LRRC49: variants seen among roughly 807,000 people sequenced by gnomAD.
The protein encoded by LRRC49 is leucine-rich repeat-containing protein 49.
A neutral mutation model predicts 83.3 loss-of-function variants in LRRC49; 50 were observed. The ratio of observed to expected loss-of-function variants is 0.60; its 90% confidence interval spans 0.48 to 0.76. The LOEUF (loss-of-function observed/expected upper bound fraction) is 0.76. Ranked by LOEUF, LRRC49 falls within the 30% of genes least tolerant of loss-of-function variation. The pLI, the probability that LRRC49 is intolerant of heterozygous loss-of-function variation, is 0.00. For synonymous variants in LRRC49, 286 were observed against 283.3 expected, an observed-to-expected ratio of 1.01 and a Z score of -0.10; for missense variants, 704 against 809.1, an observed-to-expected ratio of 0.87 and a Z score of 1.58.
rs2141321381 is a variant in LRRC49 at position 71,053,455 on chromosome 15, C to G, written c.*3843C>G. 6.6e-6 allele frequency: 1 copy of G among 152,252 alleles called. No homozygotes were observed. Among genetic ancestry groups the G allele is most frequent in the African/African-American group, 2.4e-5 (1 of 41,540 alleles). 9.4% of individuals were successfully genotyped at this position (152,252 alleles called of 1,614,324 possible). A position where few individuals can be genotyped will look rare whatever the true frequency, so the allele number is the denominator to read the frequency against. ...TGCATCTCAACATGTACAATATATA[C>G]AAGATATACCACACATCTCAGCATA... On this transcript the variant is annotated 3_prime_UTR_variant, in exon 16 of 16. Transcript: ENST00000260382.
intron 9 of LRRC49, 24 bp downstream of exon 9, chr15:70,963,956 AC>A (rs1485538354): frequency 6.2e-7 from 1 of 1,605,838 alleles, no homozygotes; most frequent in Non-Finnish European, 8.5e-7. Context: ...CAAAGTGTTC[AC>A]CATGTTGTTG....
chr15:70,862,396 G>A (rs765896986), intron 1 of LRRC49, among the ~76,000 whole-genome samples: 1 of 151,900 alleles, frequency 6.6e-6, no homozygotes, highest in Non-Finnish European at 1.5e-5. Flanking sequence ...GGCTAACAAC[G>A]TGAAACCCCG....
chr15:70,966,696 A>C (rs1295282662), intron 9 of LRRC49, among the ~76,000 whole-genome samples: 1 of 152,186 alleles, frequency 6.6e-6, no homozygotes, highest in Non-Finnish European at 1.5e-5. Flanking sequence ...GGACCAAACT[A>C]CTTAGTAAAC....
At chr15:71,015,076 T>A (rs1043339928) in intron 14 of LRRC49, among the ~76,000 whole-genome samples, 11 of 152,104 alleles carry the variant, frequency 7.2e-5, no homozygotes, top group Admixed American at 2.0e-4. Flanking sequence ...AATTAGAAAA[T>A]AATGGGTCAG....
intron 9 of LRRC49, among the ~76,000 whole-genome samples, chr15:70,967,038 C>G (rs1386510875): frequency 6.6e-6 from 1 of 151,902 alleles, no homozygotes; most frequent in African/African-American, 2.4e-5. Flanking sequence ...CAGAAAAGTT[C>G]CAAAGGAGAA....
chr15:71,028,632 G>T (rs548632295), intron 14 of LRRC49, among the ~76,000 whole-genome samples: 27 of 152,230 alleles, frequency 1.8e-4, no homozygotes, highest in Non-Finnish European at 3.5e-4. Context: ...AGTTGTTATT[G>T]GTGTATTCAG....
chr15:71,048,898 C>T, intron 15 of LRRC49: 1 of 454,890 alleles, frequency 2.2e-6, no homozygotes, highest in Middle Eastern at 3.3e-4. Context: ...CAACTTTCTC[C>T]AAATGGTCAA....
At chr15:70,966,922 T>G (rs1044037716) in intron 9 of LRRC49, among the ~76,000 whole-genome samples, 1 of 152,118 alleles carries the variant, frequency 6.6e-6, no homozygotes, top group African/African-American at 2.4e-5. Flanking sequence ...TCTAGAGAGA[T>G]AAGATTACTA....
rs1468560353 is a variant in LRRC49, at chr15:71,037,240, GA to G, written c.1769del (p.Asn590IlefsTer8). The G allele has an allele frequency of 1.9e-6, 3 of 1,610,950 alleles. No individual in the cohort carries two copies. The East Asian group carries it at 6.7e-5, about 36-fold the overall frequency. On this transcript the variant is annotated frameshift_variant, in exon 15 of 16. Coordinates refer to ENST00000260382, the MANE Select transcript of LRRC49 (RefSeq NM_017691.5). LOFTEE classifies it high-confidence loss of function. Reference protein sequence around the residue: ...KGKKPGIINEENNDSKRLVGE... With the variant: ...KGKKPGIINEXNNDSKRLVGE... The stretch of plus-strand genomic sequence containing the variant: ...AAAAAAACCTGGTATTATCAACGAA[GA>G]AAATAATGACAGCAAAAGACTTGTA...
chr15:70,872,943 G>A (rs552145939), exon 2 of LRRC49: 28 of 355,908 alleles, frequency 7.9e-5, no homozygotes, highest in African/African-American at 4.1e-4. Context: ...CTGGAGTGCC[G>A]TGGTGCGATC....
intron 1 of LRRC49, among the ~76,000 whole-genome samples, chr15:70,854,430 G>A (rs1334689999): frequency 1.3e-5 from 2 of 152,164 alleles, no homozygotes; most frequent in Non-Finnish European, 2.9e-5. Flanking sequence ...GAGAGGAGGT[G>A]TCAGGGCTCC....
rs1002196018 is a variant in LRRC49, at chr15:71,052,706, A to G, written c.*3094A>G. 6.6e-6 allele frequency: 1 copy of G among 152,200 alleles called. No homozygotes were observed. Among genetic ancestry groups the G allele is most frequent in the Non-Finnish European group, 1.5e-5 (1 of 68,034 alleles). 9.4% of individuals were successfully genotyped at this position (152,200 alleles called of 1,614,324 possible). A position where few individuals can be genotyped will look rare whatever the true frequency, so the allele number is the denominator to read the frequency against. On this transcript the variant is annotated 3_prime_UTR_variant, in exon 16 of 16. Coordinates refer to ENST00000260382, the MANE Select transcript of LRRC49 (RefSeq NM_017691.5). ...ATTTAATCTCCTAACACTGCGATAT[A>G]TATATGATAGCAATCCCATTTGAAC...
chr15:71,029,951 G>T (rs960555631), intron 14 of LRRC49, among the ~76,000 whole-genome samples: 1 of 152,152 alleles, frequency 6.6e-6, no homozygotes, highest in Non-Finnish European at 1.5e-5. Flanking sequence ...ACAGCACACC[G>T]ATGGGTCTTA....
In LRRC49 at chr15:71,049,538, G is replaced by T; in HGVS notation, c.1987G>T (p.Asp663Tyr). 1 of 1,613,892 alleles carries T rather than the reference G, an allele frequency of 6.2e-7. No homozygotes were observed. The highest frequency in any genetic ancestry group is 8.5e-7 in the Non-Finnish European group (1 of 1,179,806). Residue 663 changes from aspartate (D) to tyrosine (Y), a missense_variant, in exon 16 of 16, where the codon GAT becomes TAT. Physicochemically the swap from Asp to Tyr is radical, Grantham distance 160. Coordinates refer to ENST00000260382, the MANE Select transcript of LRRC49 (RefSeq NM_017691.5). ...ACAGATGTTCATTGAGCTTGTTAGG[G>T]ATGCAGTCATAGAAATTCGCAATAA... ...WPQMFIELVRDAVIEIRNKNS... is the reference protein window; with the variant it reads ...WPQMFIELVRYAVIEIRNKNS...
At chr15:70,985,199 C>T (rs1237663999) in intron 11 of LRRC49, among the ~76,000 whole-genome samples, 3 of 150,432 alleles carry the variant, frequency 2.0e-5, no homozygotes, top group East Asian at 2.0e-4. Flanking sequence ...CCTGAGGAAT[C>T]GCCACACTGA....
chr15:70,888,935 A>C (rs571724145), upstream of LRRC49, among the ~76,000 whole-genome samples: 3 of 152,326 alleles, frequency 2.0e-5, no homozygotes, highest in South Asian at 6.2e-4. Flanking sequence ...CTCAGATGTG[A>C]AAGACTAGAA....
At chr15:71,041,311 C>T (rs1384875527) in intron 15 of LRRC49, among the ~76,000 whole-genome samples, 1 of 151,966 alleles carries the variant, frequency 6.6e-6, no homozygotes, top group Admixed American at 6.6e-5. Flanking sequence ...TGCAATGAAA[C>T]AAGAGAAGGA....
chr15:70,990,649 C>A (rs560943189), intron 11 of LRRC49, among the ~76,000 whole-genome samples: 2 of 152,206 alleles, frequency 1.3e-5, no homozygotes, highest in Non-Finnish European at 2.9e-5. Flanking sequence ...CACTGTCCTG[C>A]GCCCACTGTC....
chr15:70,947,854 C>A (rs755121302), intron 8 of LRRC49, among the ~76,000 whole-genome samples: 13 of 152,144 alleles, frequency 8.5e-5, no homozygotes, highest in Non-Finnish European at 1.9e-4. Context: ...ACATACAGGA[C>A]ATACTGAATG....
Sources: allele counts gnomAD v4.1 joint callset (sites outside exome capture counted in the v4.1 genomes callset), GRCh38; gene constraint gnomAD v4.1.1; transcripts MANE v1.5; gene names NCBI Gene and HGNC (gene_info 2026-07-23, HGNC 2026-07-21).